SRD5A2: variants seen among roughly 807,000 people sequenced by gnomAD.
The protein encoded by SRD5A2 is steroid 5 alpha-reductase 2.
SRD5A2 carries 30 observed loss-of-function variants against 27.4 expected under a neutral mutation model. The ratio of observed to expected loss-of-function variants is 1.10; its 90% CI spans 0.82 to 1.49. The LOEUF (loss-of-function observed/expected upper bound fraction) is 1.49, where lower values mean the gene tolerates loss of function less well. Ranked by LOEUF, SRD5A2 falls within the 40% of genes most tolerant of loss-of-function variation. The pLI, the probability that SRD5A2 is intolerant of heterozygous loss-of-function variation, is 0.00. For missense variants in SRD5A2, 348 were observed against 323.4 expected, an observed-to-expected ratio of 1.08 and a Z score of -0.58; for synonymous variants, 141 against 133.6, an observed-to-expected ratio of 1.06 and a Z score of -0.38.
chr2:31,560,067 CCT>C (rs1553326976), intron 1 of SRD5A2, among the ~76,000 whole-genome samples: 4 of 130,462 alleles, frequency 3.1e-5, no homozygotes, highest in South Asian at 2.7e-4. Flanking sequence ...CCCCCCCCCC[CCT>C]TTTTTTAAAA....
chr2:31,601,238 A>T, the SRD5A2 span, among the ~76,000 whole-genome samples: 2 of 151,798 alleles, frequency 1.3e-5, no homozygotes, highest in Admixed American at 6.6e-5. Context: ...GGTAAGGGGG[A>T]TATCTCCTAC....
chr2:31,648,782 T>C, the SRD5A2 span, among the ~76,000 whole-genome samples: 1 of 152,214 alleles, frequency 6.6e-6, no homozygotes, highest in Non-Finnish European at 1.5e-5. Context: ...AGGCATATAA[T>C]CTTTTCTGAG....
chr2:31,628,768 C>A, the SRD5A2 span, among the ~76,000 whole-genome samples: 94 of 152,158 alleles, frequency 6.2e-4, no homozygotes, highest in Non-Finnish European at 8.7e-4. Flanking sequence ...AAAATAGGCT[C>A]CCAATCTCTT....
the SRD5A2 span, among the ~76,000 whole-genome samples, chr2:31,640,813 A>G: frequency 6.6e-6 from 1 of 152,042 alleles, no homozygotes; most frequent in East Asian, 1.9e-4. Context: ...GCCTGTCCTC[A>G]GAGATATTTC....
intron 1 of SRD5A2, among the ~76,000 whole-genome samples, chr2:31,553,496 T>C (rs1666422895): frequency 6.6e-6 from 1 of 151,990 alleles, no homozygotes; most frequent in Admixed American, 6.6e-5. Context: ...ATTGCCAAAA[T>C]ACAGAGACAA....
At chr2:31,543,349 A>C (rs1420720246) in intron 1 of SRD5A2, among the ~76,000 whole-genome samples, 1 of 152,202 alleles carries the variant, frequency 6.6e-6, no homozygotes. Flanking sequence ...ACTAGAATCT[A>C]TATAAAGAAA....
the SRD5A2 span, among the ~76,000 whole-genome samples, chr2:31,646,731 T>C: frequency 2.6e-5 from 4 of 151,854 alleles, no homozygotes; most frequent in Non-Finnish European, 4.4e-5. Context: ...AAAAAGAATA[T>C]TAAAAAAAAA....
chr2:31,547,530 G>C (rs146183655), intron 1 of SRD5A2, among the ~76,000 whole-genome samples: 22 of 152,318 alleles, frequency 1.4e-4, no homozygotes, highest in African/African-American at 4.6e-4. Context: ...TCTGGAGCCA[G>C]AATTCATTTC....
At chr2:31,609,469 G>C in the SRD5A2 span, among the ~76,000 whole-genome samples, 10 of 152,070 alleles carry the variant, frequency 6.6e-5, no homozygotes, top group Non-Finnish European at 1.0e-4. Flanking sequence ...ATACATCTAT[G>C]GTCAACTGAT....
At chr2:31,599,109 G>A in the SRD5A2 span, among the ~76,000 whole-genome samples, 1 of 152,020 alleles carries the variant, frequency 6.6e-6, no homozygotes, top group African/African-American at 2.4e-5. Context: ...TTCAACAAGA[G>A]GATGTAACAA....
the SRD5A2 span, among the ~76,000 whole-genome samples, chr2:31,636,188 T>C: frequency 6.6e-6 from 1 of 152,202 alleles, no homozygotes; most frequent in East Asian, 1.9e-4. Flanking sequence ...TAGCTTTCCA[T>C]TTTTGTGTCT....
At chr2:31,636,283 A>G in the SRD5A2 span, among the ~76,000 whole-genome samples, 1 of 151,958 alleles carries the variant, frequency 6.6e-6, no homozygotes, top group South Asian at 2.1e-4. Context: ...TAGGTATTTT[A>G]TATTTTTATA....
At chr2:31,651,220 C>G in the SRD5A2 span, among the ~76,000 whole-genome samples, 2 of 152,090 alleles carry the variant, frequency 1.3e-5, no homozygotes, top group Admixed American at 6.5e-5. Context: ...ACCCAATTTT[C>G]TTTAGTGAGA....
At chr2:31,633,303 T>C in the SRD5A2 span, among the ~76,000 whole-genome samples, 5 of 152,168 alleles carry the variant, frequency 3.3e-5, no homozygotes, top group Admixed American at 6.5e-5. Context: ...CTTAAAACCC[T>C]TCACCAAACC....
In SRD5A2 at chr2:31,526,153, C is replaced by G. The variant is rs28383082; in HGVS notation, c.*43G>C. The G allele has an allele frequency of 7.8e-7, 1 of 1,282,226 alleles. No individual in the cohort carries two copies. Among genetic ancestry groups the G allele is most frequent in the African/African-American group, 1.6e-5 (1 of 64,078 alleles). 79.4% of individuals were successfully genotyped at this position (1,282,226 alleles called of 1,614,324 possible). ...ACAGTTTCAGCAGCTTGACAGTTTT[C>G]ATCAGCATTGTGGGAGCTCTGCTCC... is the stretch of plus-strand genomic sequence containing the variant. On this transcript the variant is annotated 3_prime_UTR_variant, in exon 5 of 5. Coordinates refer to ENST00000622030, the MANE Select transcript of SRD5A2 (RefSeq NM_000348.4).
the SRD5A2 span, among the ~76,000 whole-genome samples, chr2:31,623,904 T>C: frequency 6.6e-6 from 1 of 152,104 alleles, no homozygotes; most frequent in Non-Finnish European, 1.5e-5. Flanking sequence ...ATAAATAACA[T>C]TGATTAATTT....
the SRD5A2 span, among the ~76,000 whole-genome samples, chr2:31,616,301 G>T: frequency 6.6e-6 from 1 of 152,194 alleles, no homozygotes; most frequent in African/African-American, 2.4e-5. Context: ...TAGTGGTGCT[G>T]TGAGAAGAGG....
At chr2:31,551,307 C>A (rs918943968) in intron 1 of SRD5A2, among the ~76,000 whole-genome samples, 7 of 151,906 alleles carry the variant, frequency 4.6e-5, no homozygotes, top group African/African-American at 1.7e-4. Context: ...TTATTACATC[C>A]CAGAAATTTT....
At chr2:31,546,015 T>A (rs1017555627) in intron 1 of SRD5A2, among the ~76,000 whole-genome samples, 3 of 152,134 alleles carry the variant, frequency 2.0e-5, no homozygotes, top group African/African-American at 7.2e-5. Context: ...GTGAAAGACT[T>A]GTACAGTAAA....
Sources: allele counts gnomAD v4.1 joint callset (sites outside exome capture counted in the v4.1 genomes callset), GRCh38; gene constraint gnomAD v4.1.1; transcripts MANE v1.5; gene names NCBI Gene and HGNC (gene_info 2026-07-23, HGNC 2026-07-21).